The following ZNF521 variants were observed in gnomAD, a reference collection of about 807,000 sequenced individuals.
The protein encoded by ZNF521 is LYST-interacting protein 3.
In ZNF521, 14 loss-of-function variants were observed where a neutral mutation model predicts 105.5. The observed-to-expected ratio is 0.13, with a 90% CI of 0.09 to 0.21. The LOEUF is 0.21. ZNF521 is among the 10% of genes least tolerant of loss of function. The pLI is 1.00. For synonymous variants in ZNF521, 635 were observed against 606.0 expected, an observed-to-expected ratio of 1.05 and a Z score of -0.70; for missense variants, 1,233 against 1,629.7, an observed-to-expected ratio of 0.76 and a Z score of 4.19.
chr18:25,077,368 A>G (rs9950250), intron 7 of ZNF521, among the ~76,000 whole-genome samples: 15,065 of 152,232 alleles, frequency 0.099, 1,924 homozygotes, highest in African/African-American at 0.3. Context: ...AGTCCAGGCC[A>G]GACTGTCTCC....
chr18:25,190,235 A>C (rs2035794652), intron 5 of ZNF521, among the ~76,000 whole-genome samples: 2 of 152,034 alleles, frequency 1.3e-5, no homozygotes. Context: ...GAATTTTGTA[A>C]GCAATCAAAT....
chr18:25,099,205 A>G (rs1035749946), intron 5 of ZNF521, among the ~76,000 whole-genome samples: 1 of 152,200 alleles, frequency 6.6e-6, no homozygotes, highest in African/African-American at 2.4e-5. Flanking sequence ...TTCATGGGAA[A>G]TAACTACTTA....
intron 3 of ZNF521, among the ~76,000 whole-genome samples, chr18:25,236,967 C>T (rs1354089192): frequency 2.6e-5 from 4 of 152,164 alleles, no homozygotes; most frequent in East Asian, 1.9e-4. Flanking sequence ...GAAAATAAGG[C>T]GAATTATCAA....
chr18:25,117,057 A>C (rs1241549424), intron 5 of ZNF521, among the ~76,000 whole-genome samples: 1 of 8,732 alleles, frequency 1.1e-4, no homozygotes, highest in Non-Finnish European at 4.5e-3. Flanking sequence ...ATATATATAC[A>C]CACACACACA....
Position 25,265,256 on chromosome 18 carries a change from G to A in ZNF521, c.221-37559C>T, listed in dbSNP as rs139953742. On this transcript the variant is annotated intron_variant, in intron 3 of 7. Coordinates refer to ENST00000361524, the MANE Select transcript of ZNF521 (RefSeq NM_015461.3). ...ATACTTGCTCAGGTGTTGACTGTTG[G>A]GAACAACAAATGTGAGACAAAAAGC... Among the ~76,000 whole-genome samples, 61 of 152,194 alleles carry A rather than the reference G, an allele frequency of 4.0e-4. No homozygotes were observed. The East Asian group carries it at 9.1e-3, about 23-fold the overall frequency.
At chr18:25,213,959 T>C (rs1034808246) in intron 4 of ZNF521, among the ~76,000 whole-genome samples, 1 of 152,160 alleles carries the variant, frequency 6.6e-6, no homozygotes, top group Non-Finnish European at 1.5e-5. Flanking sequence ...TTGGCATTTT[T>C]TGTAAAATTT....
intron 2 of ZNF521, among the ~76,000 whole-genome samples, chr18:25,338,808 A>G (rs1281279565): frequency 6.6e-6 from 1 of 152,218 alleles, no homozygotes; most frequent in African/African-American, 2.4e-5. Context: ...TGTGCTAAGA[A>G]TTTACAAAGA....
Position 25,312,534 on chromosome 18 carries a change from C to T in ZNF521, c.220+9474G>A, listed in dbSNP as rs1156819716. Among the ~76,000 whole-genome samples, 2 of 36,774 alleles carry T rather than the reference C, an allele frequency of 5.4e-5. 1 individual carries two copies. Among genetic ancestry groups the T allele is most frequent in the Non-Finnish European group, 1.3e-4 (2 of 15,856 alleles). The allele number at this position is 36,774 out of a possible 152,430, so 24.1% of individuals were successfully genotyped here. A position where few individuals can be genotyped will look rare whatever the true frequency, so the allele number is the denominator to read the frequency against. ...TATGGTTCAGAAGTTGGAACCAGGC[C>T]GGGCGCGGTGGCTCACGCCTGTAAT... On this transcript the variant is annotated intron_variant, in intron 3 of 7. Coordinates refer to ENST00000361524, the MANE Select transcript of ZNF521 (RefSeq NM_015461.3).
At chr18:25,116,946 C>CGTGTATATATACGT in intron 5 of ZNF521, among the ~76,000 whole-genome samples, 1 of 138,942 alleles carries the variant, frequency 7.2e-6, no homozygotes, top group South Asian at 2.3e-4. Context: ...TATATATACA[C>CGTGTATATATACGT]ATATATATGT....
chr18:25,220,396 G>A (rs139518136), intron 4 of ZNF521, among the ~76,000 whole-genome samples: 2 of 152,270 alleles, frequency 1.3e-5, no homozygotes, highest in African/African-American at 2.4e-5. Context: ...CAGGAGTACC[G>A]AGAGGATGCT....
chr18:25,329,408 T>C (rs1222364188), intron 2 of ZNF521, among the ~76,000 whole-genome samples: 2 of 152,144 alleles, frequency 1.3e-5, no homozygotes, highest in South Asian at 2.1e-4. Flanking sequence ...AGTACTCAGA[T>C]GGAGGGGCAT....
At chr18:25,234,122 A>C (rs1047342272) in intron 3 of ZNF521, among the ~76,000 whole-genome samples, 4 of 152,118 alleles carry the variant, frequency 2.6e-5, no homozygotes, top group Admixed American at 1.3e-4. Context: ...GGGGGTGAGA[A>C]TTGCTTTTCT....
At chr18:25,312,926 G>A (rs1912399433) in intron 3 of ZNF521, among the ~76,000 whole-genome samples, 1 of 151,842 alleles carries the variant, frequency 6.6e-6, no homozygotes, top group South Asian at 2.1e-4. Flanking sequence ...GTTGAACAAA[G>A]TGACACACTC....
intron 4 of ZNF521, chr18:25,202,221 C>T (rs951918097): frequency 6.6e-6 from 1 of 151,982 alleles, no homozygotes; most frequent in Non-Finnish European, 1.5e-5. Context: ...ATTAGTTGGC[C>T]CTCCATATTT....
At chr18:25,323,498 T>C (rs1330514731) in intron 2 of ZNF521, among the ~76,000 whole-genome samples, 1 of 152,072 alleles carries the variant, frequency 6.6e-6, no homozygotes, top group Non-Finnish European at 1.5e-5. Flanking sequence ...TGGCTATTCA[T>C]AGGCACTATC....
chr18:25,195,126 A>G, intron 5 of ZNF521, 34 bp downstream of exon 5: 1 of 1,468,402 alleles, frequency 6.8e-7, no homozygotes, highest in Non-Finnish European at 9.4e-7. Flanking sequence ...CAGAAGAAAC[A>G]TCTATCTGTA....
intron 5 of ZNF521, among the ~76,000 whole-genome samples, chr18:25,170,568 C>G (rs73404903): frequency 0.014 from 2,121 of 152,202 alleles, 53 homozygotes; most frequent in African/African-American, 0.049. Flanking sequence ...TACACACTAT[C>G]TCTGGTTTCA....
intron 5 of ZNF521, among the ~76,000 whole-genome samples, chr18:25,189,178 G>A (rs1489383193): frequency 3.9e-5 from 6 of 152,112 alleles, no homozygotes; most frequent in Non-Finnish European, 8.8e-5. Flanking sequence ...TTTTCTTTGA[G>A]TTTCTTTTAA....
Position 25,209,803 on chromosome 18 carries a change from T to C in ZNF521, c.3573+14542A>G, listed in dbSNP as rs1259549204. On this transcript the variant is annotated intron_variant, in intron 4 of 7. Transcript: ENST00000361524. ...ATGCTCATTTATTTATATGCGTTTC[T>C]ACCTTTTATATGTATTGCTACCTGA... Among the ~76,000 whole-genome samples the C allele has an allele frequency of 2.6e-5, 4 of 152,368 alleles. No individual in the cohort carries two copies. The East Asian group carries it at 7.7e-4, about 29-fold the overall frequency.
Sources: allele counts gnomAD v4.1 joint callset (sites outside exome capture counted in the v4.1 genomes callset), GRCh38; gene constraint gnomAD v4.1.1; transcripts MANE v1.5; gene names NCBI Gene and HGNC (gene_info 2026-07-23, HGNC 2026-07-21).